Variants in EXOC7 observed in about 807,000 individuals in gnomAD.
EXOC7 encodes the protein exocyst complex component 7.
EXOC7 carries 51 observed loss-of-function variants against 87.6 expected under a neutral mutation model. The ratio of observed to expected loss-of-function variants is 0.58; its 90% CI spans 0.46 to 0.73. The LOEUF (loss-of-function observed/expected upper bound fraction) is 0.73, where lower values mean the gene tolerates loss of function less well. Among genes scored for constraint, EXOC7 ranks in the 30% least tolerant of loss-of-function variants. EXOC7 has a pLI of 0.00. For synonymous variants in EXOC7, 327 were observed against 357.1 expected (o/e 0.92, Z 0.95); for missense variants, 744 against 888.4 (o/e 0.84, Z 2.07).
intron 4 of EXOC7, chr17:76,100,973 C>T (rs1332746982): frequency 3.3e-6 from 1 of 299,252 alleles, no homozygotes; most frequent in Non-Finnish European, 4.9e-6. Flanking sequence ...GACTCTGTCT[C>T]AGGAAAAAAC....
chr17:76,086,532 A>G (rs2144604649), intron 12 of EXOC7, among the ~76,000 whole-genome samples: 1 of 152,132 alleles, frequency 6.6e-6, no homozygotes, highest in African/African-American at 2.4e-5. Context: ...TCTCCCCTAC[A>G]TTCGAACATC....
chr17:76,099,832 G>T (rs186023365), intron 4 of EXOC7, among the ~76,000 whole-genome samples: 1 of 152,300 alleles, frequency 6.6e-6, no homozygotes, highest in Non-Finnish European at 1.5e-5. Flanking sequence ...GGTACAGTGG[G>T]TAATGCCCGT....
intron 5 of EXOC7, among the ~76,000 whole-genome samples, chr17:76,096,343 G>A (rs1328721689): frequency 2.0e-5 from 3 of 151,378 alleles, no homozygotes; most frequent in Non-Finnish European, 2.9e-5. Context: ...GTGAAACCCT[G>A]TCCCTACCAA....
At chr17:76,084,836 C>T (rs1008237085) in intron 15 of EXOC7, 8 of 532,504 alleles carry the variant, frequency 1.5e-5, no homozygotes, top group Non-Finnish European at 2.7e-5. Flanking sequence ...ACATCAATAT[C>T]GTGGCAAACT....
At chr17:76,103,255 T>C in intron 2 of EXOC7, 106 bp downstream of exon 2, 1 of 1,006,526 alleles carries the variant, frequency 9.9e-7, no homozygotes, top group Non-Finnish European at 1.5e-6. Context: ...CCTCCGTCGC[T>C]GCCCATTCCA....
At chr17:76,086,748 C>A in intron 12 of EXOC7, 1 of 979,162 alleles carries the variant, frequency 1.0e-6, no homozygotes, top group Non-Finnish European at 1.6e-6. Context: ...AACTCATGTC[C>A]CCTCTGACTC....
intron 6 of EXOC7, 102 bp from the exon 7 acceptor site, chr17:76,091,337 TC>T: frequency 1.1e-6 from 1 of 881,500 alleles, no homozygotes. Flanking sequence ...CGCACCCAGC[TC>T]CCCAACAGTG....
intron 12 of EXOC7, chr17:76,086,867 A>G: frequency 6.4e-7 from 1 of 1,551,390 alleles, no homozygotes; most frequent in South Asian, 1.2e-5. Context: ...GGGGGTCTAA[A>G]GGAATATTGT....
Position 76,088,392 on chromosome 17 carries a change from G to A in EXOC7, c.1299+72C>T, listed in dbSNP as rs976488072. On this transcript the variant is annotated intron_variant, in intron 10 of 18. Coordinates refer to ENST00000589210, the MANE Select transcript of EXOC7 (RefSeq NM_001013839.4). ...ACGCACCCTCTTGGAGGCCTGCTCTGAGAGTCCCCCAGGGCCAGGTCACTG... is the reference window on the plus strand; with the variant it reads ...ACGCACCCTCTTGGAGGCCTGCTCTAAGAGTCCCCCAGGGCCAGGTCACTG... The A allele has an allele frequency of 4.1e-6, 6 of 1,462,902 alleles. No homozygotes were observed. In the African/African-American group the frequency reaches 8.4e-5, roughly 20 times the overall value. The allele number at this position is 1,462,902 out of a possible 1,614,324, so 90.6% of individuals were successfully genotyped here. A position where few individuals can be genotyped will look rare whatever the true frequency, so the allele number is the denominator to read the frequency against.
Position 76,081,940 on chromosome 17 carries a change from G to A in EXOC7, c.*1708C>T. ...TCCTCAGCACCATAGAGACTGTGCT[G>A]CTGGCTGGGCTGCTGGCCCGGGGCA... On this transcript the variant is annotated 3_prime_UTR_variant, in exon 19 of 19. Transcript: ENST00000589210. 6.2e-7 allele frequency: 1 copy of A among 1,613,160 alleles called. No individual in the cohort carries two copies. Among genetic ancestry groups the A allele is most frequent in the East Asian group, 2.2e-5 (1 of 44,876 alleles).
In EXOC7 at chr17:76,097,957, C is replaced by T. The variant is rs778257535; in HGVS notation, c.479G>A (p.Arg160Gln). 1.9e-6 allele frequency: 3 copies of T among 1,613,942 alleles called. No individual in the cohort carries two copies. The highest frequency in any genetic ancestry group is 2.5e-6 in the Non-Finnish European group (3 of 1,180,024). ...CACGGGCGAGACGACCTTACTGTGC[C>T]GCGTCATCAGGCTGCGAAATTCGGA... The part of the protein sequence containing the change: ...LESEFRSLMT[R>Q]HSKVVSPVLI... The change falls in exon 5 of 19, where the codon CGG (arginine) becomes CAG (glutamine). Residue 160 changes from arginine (R) to glutamine (Q), a missense_variant. By Grantham distance (43) the Arg-to-Gln change is conservative. Coordinates refer to ENST00000589210, the MANE Select transcript of EXOC7 (RefSeq NM_001013839.4).
Position 76,094,307 on chromosome 17 carries a change from G to A in EXOC7, c.808+107C>T, listed in dbSNP as rs538205863. On this transcript the variant is annotated intron_variant, in intron 6 of 18. Transcript: ENST00000589210. ...TACCTACAGTCGGGGTTACCACGAC[G>A]ACAAGCTCTGGAGGGGCCTGACGCT... The A allele has an allele frequency of 2.0e-4, 267 of 1,303,024 alleles. 2 individuals are homozygous for A. Among genetic ancestry groups the A allele is most frequent in the South Asian group, 1.8e-3 (118 of 66,650 alleles). 80.7% of individuals were successfully genotyped at this position (1,303,024 alleles called of 1,614,324 possible). A position where few individuals can be genotyped will look rare whatever the true frequency, so the allele number is the denominator to read the frequency against.
At chr17:76,094,686 C>T (rs1294296675) in intron 5 of EXOC7, 105 bp from the exon 6 acceptor site, 16 of 1,154,976 alleles carry the variant, frequency 1.4e-5, no homozygotes, top group African/African-American at 1.1e-4. Context: ...TTAGCATCTG[C>T]TCCCTGCTCT....
At chr17:76,084,348 C>A (rs542869773) in intron 16 of EXOC7, 59 bp from the exon 17 acceptor site, 29 of 1,610,848 alleles carry the variant, frequency 1.8e-5, no homozygotes, top group East Asian at 4.5e-5. Context: ...AGCCTTCCCC[C>A]ACTCTTCCCC....
At chr17:76,089,370 C>T in intron 7 of EXOC7, 50 bp from the exon 8 acceptor site, 1 of 1,602,964 alleles carries the variant, frequency 6.2e-7, no homozygotes, top group Non-Finnish European at 8.5e-7. Context: ...CAGCCACACT[C>T]CTGGCTGGGG....
intron 4 of EXOC7, among the ~76,000 whole-genome samples, chr17:76,099,555 C>A (rs1212696991): frequency 6.6e-6 from 1 of 151,944 alleles, no homozygotes; most frequent in African/African-American, 2.4e-5. Flanking sequence ...TGTGGTCTAT[C>A]CACAAAAAGG....
At chr17:76,090,517 G>C in intron 7 of EXOC7, 1 of 1,543,882 alleles carries the variant, frequency 6.5e-7, no homozygotes, top group Non-Finnish European at 8.8e-7. Context: ...GATGGGGATG[G>C]GGAAGGGGGC....
At chr17:76,091,260 G>A (rs761817526) in intron 6 of EXOC7, 25 bp from the exon 7 acceptor site, 1 of 1,600,890 alleles carries the variant, frequency 6.2e-7, no homozygotes, top group Non-Finnish European at 8.6e-7. Context: ...ACACAGAGAG[G>A]AGATAAGAAG....
rs1209480668 is a variant in EXOC7 at position 76,085,760 on chromosome 17, G to A, written c.1533C>T (p.Ser511=). The A allele has an allele frequency of 2.5e-6, 4 of 1,613,642 alleles. No individual in the cohort carries two copies. In the East Asian group the frequency reaches 6.7e-5, roughly 27 times the overall value. Residue 511 remains serine (S), a synonymous_variant, in exon 14 of 19, where the codon AGC becomes AGT. Coordinates refer to ENST00000589210, the MANE Select transcript of EXOC7 (RefSeq NM_001013839.4). ...CTGGGTCCTCGTACACCTTGGACTT[G>A]CTCAGCAAGTTCAACTGCAGGTTGC... is the stretch of plus-strand genomic sequence containing the variant. The part of the protein sequence containing the change: ...VLGNLQLNLL[S]KSKVYEDPAL...
Sources: gnomAD v4.1 joint callset for allele counts (sites outside exome capture counted in the v4.1 genomes callset) on GRCh38, gnomAD v4.1.1 for gene constraint, MANE v1.5 for transcripts, NCBI Gene and HGNC (gene_info 2026-07-23, HGNC 2026-07-21) for gene names.